Variants in SAMD12 observed in about 807,000 individuals in gnomAD.
SAMD12 encodes the protein sterile alpha motif domain containing 12.
In SAMD12, 9 loss-of-function variants were observed where a neutral mutation model predicts 15.0. The observed-to-expected ratio is 0.60, with a 90% confidence interval of 0.36 to 1.05. SAMD12 has a LOEUF of 1.05. Ranked by LOEUF, SAMD12 falls within the 50% of genes least tolerant of loss-of-function variation. The probability of loss-of-function intolerance (pLI) is 0.01; values close to 1 mark genes in which losing one functional copy is unlikely to be tolerated. For synonymous variants in SAMD12, 86 were observed against 90.1 expected (o/e 0.96, Z 0.25); for missense variants, 230 against 234.2 (o/e 0.98, Z 0.12).
At chr8:118,600,268 G>A (rs369251173) in intron 1 of SAMD12, among the ~76,000 whole-genome samples, 2 of 151,652 alleles carry the variant, frequency 1.3e-5, no homozygotes, top group East Asian at 3.9e-4. Context: ...ACATTTGAGA[G>A]GTTCAAAACT....
intron 2 of SAMD12, among the ~76,000 whole-genome samples, chr8:118,472,282 A>G (rs2514997): frequency 1 from 150,484 of 150,524 alleles, 75,222 homozygotes; most frequent in Middle Eastern, 1. Context: ...GCGAGACTCC[A>G]TCTAAAAAAA....
At chr8:118,172,799 A>G in the SAMD12 span, among the ~76,000 whole-genome samples, 6 of 152,068 alleles carry the variant, frequency 3.9e-5, 1 homozygote, top group Admixed American at 6.5e-5. Flanking sequence ...ATTTTTCTGT[A>G]TACAATATAG....
intron 2 of SAMD12, among the ~76,000 whole-genome samples, chr8:118,454,463 C>G (rs1397569444): frequency 1.3e-5 from 2 of 152,092 alleles, no homozygotes; most frequent in African/African-American, 4.8e-5. Flanking sequence ...AGTCAGTAGT[C>G]CCTTTCAACT....
chr8:118,600,221 C>T (rs536747625), intron 1 of SAMD12, among the ~76,000 whole-genome samples: 2 of 151,734 alleles, frequency 1.3e-5, no homozygotes, highest in South Asian at 2.1e-4. Flanking sequence ...AATGTTGTTT[C>T]CAAATTTTTA....
At chr8:118,265,992 A>G (rs1045703871) in intron 4 of SAMD12, among the ~76,000 whole-genome samples, 2 of 152,156 alleles carry the variant, frequency 1.3e-5, no homozygotes, top group Non-Finnish European at 2.9e-5. Flanking sequence ...GTAATTTATA[A>G]AGAAAAGAGG....
chr8:118,556,712 C>T (rs1047137747), intron 2 of SAMD12, among the ~76,000 whole-genome samples: 19 of 152,100 alleles, frequency 1.2e-4, no homozygotes, highest in Admixed American at 1.0e-3. Flanking sequence ...TGCCTGTAAT[C>T]CCAGTACTTT....
chr8:118,327,231 G>A (rs1816609558), intron 4 of SAMD12, among the ~76,000 whole-genome samples: 1 of 152,142 alleles, frequency 6.6e-6, no homozygotes, highest in Non-Finnish European at 1.5e-5. Flanking sequence ...TACTGACAGA[G>A]ATCCAAATAA....
rs1471702516 is a variant in SAMD12 at position 118,453,203 on chromosome 8, T to C, written c.193-13242A>G. ...TCAAGGTTAACAGCAATATTTTCTA[T>C]TCTAAGACCTCTATTTGGTCTGCTA... is the stretch of plus-strand genomic sequence containing the variant. On this transcript the variant is annotated intron_variant, in intron 2 of 3. Transcript: ENST00000314727. 3.3e-5 allele frequency among the ~76,000 whole-genome samples: 5 copies of C among 152,218 alleles called. No individual in the cohort carries two copies. The South Asian group carries it at 6.2e-4, about 19-fold the overall frequency.
At chr8:118,140,393 T>G in the SAMD12 span, among the ~76,000 whole-genome samples, 1 of 152,064 alleles carries the variant, frequency 6.6e-6, no homozygotes, top group Non-Finnish European at 1.5e-5. Flanking sequence ...CACCTCAGTC[T>G]CCTGAGCAAC....
intron 4 of SAMD12, among the ~76,000 whole-genome samples, chr8:118,271,979 G>A (rs548529750): frequency 2.0e-3 from 297 of 152,296 alleles, no homozygotes; most frequent in Non-Finnish European, 2.9e-3. Flanking sequence ...TCTGAGGTCT[G>A]TAGGACAGTG....
intron 2 of SAMD12, among the ~76,000 whole-genome samples, chr8:118,527,631 G>T (rs1216923424): frequency 1.3e-5 from 2 of 152,048 alleles, no homozygotes; most frequent in African/African-American, 4.8e-5. Flanking sequence ...CCTATTTCTT[G>T]ATTTTAGCTG....
intron 2 of SAMD12, among the ~76,000 whole-genome samples, chr8:118,531,286 A>G (rs1205433777): frequency 1.3e-5 from 2 of 152,150 alleles, no homozygotes; most frequent in African/African-American, 4.8e-5. Flanking sequence ...CCATTGGTCT[A>G]TATCTCTGTT....
intron 4 of SAMD12, among the ~76,000 whole-genome samples, chr8:118,332,848 T>A (rs1816869026): frequency 6.6e-6 from 1 of 152,230 alleles, no homozygotes; most frequent in African/African-American, 2.4e-5. Flanking sequence ...TGGAATGCTT[T>A]CCCTTGTTAA....
intron 4 of SAMD12, among the ~76,000 whole-genome samples, chr8:118,235,393 T>C (rs1038127852): frequency 1.3e-5 from 2 of 152,112 alleles, no homozygotes; most frequent in African/African-American, 4.8e-5. Flanking sequence ...GTATTTTTAG[T>C]AGAGATGGGG....
At chr8:118,500,207 T>C (rs1306221737) in intron 2 of SAMD12, among the ~76,000 whole-genome samples, 2 of 149,120 alleles carry the variant, frequency 1.3e-5, no homozygotes, top group Non-Finnish European at 3.0e-5. Flanking sequence ...GCCTCCCGAG[T>C]AGCTGGGATT....
At chr8:118,392,203 C>A (rs112842096) in intron 3 of SAMD12, among the ~76,000 whole-genome samples, 1 of 152,106 alleles carries the variant, frequency 6.6e-6, no homozygotes, top group South Asian at 2.1e-4. Context: ...CTGAGGCAGG[C>A]GGATCACGAG....
chr8:118,397,153 G>A (rs777255626), intron 3 of SAMD12, among the ~76,000 whole-genome samples: 1 of 152,178 alleles, frequency 6.6e-6, no homozygotes, highest in African/African-American at 2.4e-5. Context: ...GAGCTCCAAG[G>A]AGAAGTCTGG....
At chr8:118,511,298 T>C (rs1387025747) in intron 2 of SAMD12, among the ~76,000 whole-genome samples, 8 of 152,174 alleles carry the variant, frequency 5.3e-5, no homozygotes, top group African/African-American at 1.9e-4. Context: ...GCAATTGAAA[T>C]TGAAATGTTC....
chr8:118,376,856 T>C (rs1052416319), downstream of SAMD12, among the ~76,000 whole-genome samples: 9 of 152,182 alleles, frequency 5.9e-5, no homozygotes, highest in Non-Finnish European at 1.0e-4. Context: ...GTTACCCCTA[T>C]GGTGAATTTC....
Sources: allele counts gnomAD v4.1 joint callset (sites outside exome capture counted in the v4.1 genomes callset), GRCh38; gene constraint gnomAD v4.1.1; transcripts MANE v1.5; gene names NCBI Gene and HGNC (gene_info 2026-07-23, HGNC 2026-07-21).